The following MAPK6 variants were observed in gnomAD, a reference collection of about 807,000 sequenced individuals.
MAPK6 encodes the protein ERK-3.
MAPK6 carries 19 observed loss-of-function variants against 59.3 expected under a neutral mutation model. The ratio of observed to expected loss-of-function variants is 0.32; its 90% CI spans 0.22 to 0.47. MAPK6 has a LOEUF of 0.47. Ranked by LOEUF, MAPK6 falls within the 20% of genes least tolerant of loss-of-function variation. MAPK6 has a pLI of 1.00. For missense variants in MAPK6, 724 were observed against 847.9 expected, an observed-to-expected ratio of 0.85 and a Z score of 1.81; for synonymous variants, 316 against 290.3, an observed-to-expected ratio of 1.09 and a Z score of -0.90.
At chr15:51,979,195 AG>A (rs1395174258) in intron 1 of MAPK6, among the ~76,000 whole-genome samples, 1 of 146,562 alleles carries the variant, frequency 6.8e-6, no homozygotes, top group Non-Finnish European at 1.5e-5. Flanking sequence ...GAGGGAAAAG[AG>A]AAAGAAGGAA....
chr15:52,016,030 T>G (rs556708590), upstream of MAPK6, among the ~76,000 whole-genome samples: 1 of 140,710 alleles, frequency 7.1e-6, no homozygotes, highest in Admixed American at 7.1e-5. Context: ...CACTCCAGCC[T>G]GGGCCACAGA....
chr15:52,015,479 ATTTTT>A (rs563240004), upstream of MAPK6, among the ~76,000 whole-genome samples: 1 of 134,842 alleles, frequency 7.4e-6, no homozygotes, highest in Non-Finnish European at 1.6e-5. Flanking sequence ...ACAGAATGGG[ATTTTT>A]TTTTTTTTTT....
At chr15:52,044,748 G>C (rs2031544378) in intron 1 of MAPK6, among the ~76,000 whole-genome samples, 2 of 151,788 alleles carry the variant, frequency 1.3e-5, no homozygotes, top group Admixed American at 1.3e-4. Flanking sequence ...TAAGTGTACA[G>C]AGATCAATAT....
At chr15:52,025,190 G>C (rs796920645) in intron 1 of MAPK6, among the ~76,000 whole-genome samples, 1 of 151,974 alleles carries the variant, frequency 6.6e-6, no homozygotes, top group African/African-American at 2.4e-5. Context: ...GCAGTGAGCC[G>C]TGATCGCACC....
At chr15:52,061,168 T>A (rs1479154505) in intron 4 of MAPK6, 131 bp from the exon 5 acceptor site, 2 of 668,946 alleles carry the variant, frequency 3.0e-6, no homozygotes, top group Non-Finnish European at 2.6e-6. Flanking sequence ...AAGATGCTCA[T>A]TTCCTGTTGT....
chr15:52,011,593 TA>T (rs1415132836), intron 3 of MAPK6: 1 of 152,202 alleles, frequency 6.6e-6, no homozygotes, highest in African/African-American at 2.4e-5. Context: ...GAAATACACA[TA>T]AAACAAGATT....
rs573140763 is a variant in MAPK6, at chr15:52,020,830, A to G, written c.-632+1454A>G. On this transcript the variant is annotated intron_variant, in intron 1 of 5. Coordinates refer to ENST00000261845, the MANE Select transcript of MAPK6 (RefSeq NM_002748.4). ...GCCAGGGATTGTAAAGTCATTTCAC[A>G]TATGTTACATCATTTATTAAGAATT... is the stretch of plus-strand genomic sequence containing the variant. Among the ~76,000 whole-genome samples, 6 of 152,362 alleles carry G rather than the reference A, an allele frequency of 3.9e-5. No homozygotes were observed. The East Asian group carries it at 5.8e-4, about 15-fold the overall frequency.
intron 1 of MAPK6, among the ~76,000 whole-genome samples, chr15:52,039,691 T>C (rs28501427): frequency 0.35 from 52,754 of 151,426 alleles, 10,645 homozygotes; most frequent in Non-Finnish European, 0.45. Flanking sequence ...AGTTTTTGTA[T>C]TGTTAGTAGA....
intron 1 of MAPK6, among the ~76,000 whole-genome samples, chr15:52,033,098 C>T (rs939885167): frequency 1.4e-4 from 22 of 152,214 alleles, no homozygotes; most frequent in East Asian, 9.6e-4. Context: ...GCATAAGCCA[C>T]GGCACCTGGC....
At chr15:51,972,230 C>T (rs943329096) in intron 1 of MAPK6, among the ~76,000 whole-genome samples, 162 of 152,262 alleles carry the variant, frequency 1.1e-3, no homozygotes, top group Non-Finnish European at 3.5e-4. Context: ...CCTCCACTGT[C>T]CGGGTTCAAG....
chr15:52,057,979 C>G (rs2032050197), intron 3 of MAPK6, among the ~76,000 whole-genome samples: 1 of 141,584 alleles, frequency 7.1e-6, no homozygotes, highest in African/African-American at 2.9e-5. Flanking sequence ...ATAGTAGGAA[C>G]TAAAAGGAAT....
chr15:52,064,243 C>T lies in MAPK6; in HGVS notation c.1409C>T (p.Pro470Leu). ...RESEVNHYYE[P>L]KLIIDLSNWK... Reference sequence around the variant, plus strand: ...AGTGAAGTTAACCATTACTATGAACCCAAGCTTATTATAGATCTTTCCAAT... The same window carrying T: ...AGTGAAGTTAACCATTACTATGAACTCAAGCTTATTATAGATCTTTCCAAT... The change falls in exon 6 of 6, where the codon CCC (proline) becomes CTC (leucine). Residue 470 changes from proline to leucine, a missense_variant. By Grantham distance (98) the Pro-to-Leu change is moderately conservative (BLOSUM62 -3). Around this residue, in one of 4 missense-constraint regions of MAPK6, gnomAD observed 502 missense variants for 507.6 expected, o/e 0.99. Transcript: ENST00000261845. The T allele has an allele frequency of 6.2e-7, 1 of 1,611,152 alleles. No individual in the cohort carries two copies. The highest frequency in any genetic ancestry group is 2.2e-4 in the Middle Eastern group (1 of 4,462).
Position 52,055,803 on chromosome 15 carries a change from C to T in MAPK6, c.701-2830C>T, listed in dbSNP as rs534243256. Among the ~76,000 whole-genome samples the T allele has an allele frequency of 2.6e-5, 4 of 152,334 alleles. No homozygotes were observed. The South Asian group carries it at 8.3e-4, about 32-fold the overall frequency. On this transcript the variant is annotated intron_variant, in intron 3 of 5. Coordinates refer to ENST00000261845, the MANE Select transcript of MAPK6 (RefSeq NM_002748.4). ...GTGCTGGGATTACAGGTGTGAGCCACTGCTCTCGGCTGTATTTGTGTATTT... is the reference window on the plus strand; with the variant it reads ...GTGCTGGGATTACAGGTGTGAGCCATTGCTCTCGGCTGTATTTGTGTATTT...
rs370224725 is a variant in MAPK6 at position 52,055,724 on chromosome 15, C to A, written c.701-2909C>A. Reference sequence around the variant, plus strand: ...AGAGACAGGATTTCACCATATTGGTCAGGTTGGTGTTGAACTCCTGACCTC... The same window carrying A: ...AGAGACAGGATTTCACCATATTGGTAAGGTTGGTGTTGAACTCCTGACCTC... On this transcript the variant is annotated intron_variant, in intron 3 of 5. Coordinates refer to ENST00000261845, the MANE Select transcript of MAPK6 (RefSeq NM_002748.4). Among the ~76,000 whole-genome samples, 44 of 152,264 alleles carry A rather than the reference C, an allele frequency of 2.9e-4. 5 individuals are homozygous for A. The highest frequency in any genetic ancestry group is 1.9e-3 in the South Asian group (9 of 4,822).
At chr15:52,058,108 TAA>T (rs1361971422) in intron 3 of MAPK6, among the ~76,000 whole-genome samples, 2 of 152,238 alleles carry the variant, frequency 1.3e-5, no homozygotes, top group Admixed American at 1.3e-4. Flanking sequence ...ATGGAATTTT[TAA>T]AAGTCACCAC....
At chr15:51,979,916 A>G (rs1161271639) in intron 1 of MAPK6, among the ~76,000 whole-genome samples, 2 of 151,948 alleles carry the variant, frequency 1.3e-5, no homozygotes, top group African/African-American at 4.8e-5. Flanking sequence ...AAGGAGCTAG[A>G]AAACTGGAGG....
chr15:51,972,516 T>G (rs922028416), intron 1 of MAPK6, among the ~76,000 whole-genome samples: 37 of 111,550 alleles, frequency 3.3e-4, no homozygotes. Context: ...AAACAGCTTT[T>G]TTAAGCTTTA....
chr15:52,060,560 G>T (rs772787656), intron 4 of MAPK6, among the ~76,000 whole-genome samples: 2 of 152,196 alleles, frequency 1.3e-5, no homozygotes, highest in Admixed American at 6.5e-5. Context: ...AGTAGATGGT[G>T]GTGGTGATCC....
chr15:52,039,532 T>TG (rs2031349147), intron 1 of MAPK6, among the ~76,000 whole-genome samples: 1 of 103,594 alleles, frequency 9.7e-6, no homozygotes, highest in African/African-American at 3.2e-5. Context: ...TTTTTTTTTT[T>TG]GAAGACAGGG....
Sources: gnomAD v4.1 joint callset for allele counts (sites outside exome capture counted in the v4.1 genomes callset) on GRCh38, gnomAD v4.1.1 for gene constraint, gnomAD v4.1.1 regional missense constraint, MANE v1.5 for transcripts, NCBI Gene and HGNC (gene_info 2026-07-23, HGNC 2026-07-21) for gene names.